Variants in ITGB3BP observed in about 807,000 individuals in gnomAD.
The protein encoded by ITGB3BP is centromere protein R.
ITGB3BP carries 27 observed loss-of-function variants against 29.1 expected under a neutral mutation model. The ratio of observed to expected loss-of-function variants is 0.93; its 90% confidence interval spans 0.68 to 1.28. ITGB3BP has a LOEUF of 1.28. ITGB3BP is among the 50% of genes most tolerant of loss of function. ITGB3BP has a pLI of 0.00. For synonymous variants in ITGB3BP, 61 were observed against 61.4 expected (o/e 0.99, Z 0.03); for missense variants, 192 against 200.2 (o/e 0.96, Z 0.25).
chr1:63,475,473 C>T (rs951595499), intron 4 of ITGB3BP, among the ~76,000 whole-genome samples: 4 of 152,044 alleles, frequency 2.6e-5, no homozygotes, highest in African/African-American at 4.8e-5. Context: ...GAGGATAACT[C>T]GAGCCCAACA....
upstream of ITGB3BP, chr1:63,523,774 G>A (rs1646522110): frequency 6.5e-6 from 1 of 153,394 alleles, no homozygotes; most frequent in African/African-American, 2.4e-5. Context: ...ATGTAAATGC[G>A]GTTTTATTTC....
chr1:63,480,646 C>CA (rs1394874157), intron 3 of ITGB3BP, among the ~76,000 whole-genome samples: 13 of 151,444 alleles, frequency 8.6e-5, no homozygotes, highest in Middle Eastern at 3.4e-3. Context: ...AAAAACAAAA[C>CA]AAAAAAAACC....
At chr1:63,525,018 G>T (rs932278928), upstream of ITGB3BP, among the ~76,000 whole-genome samples, 1 of 152,176 alleles carries the variant, frequency 6.6e-6, no homozygotes, top group South Asian at 2.1e-4. Flanking sequence ...AAATGATCTT[G>T]TTGATCCTGC....
chr1:63,518,153 G>C (rs140283335), intron 1 of ITGB3BP, among the ~76,000 whole-genome samples: 1 of 152,136 alleles, frequency 6.6e-6, no homozygotes, highest in African/African-American at 2.4e-5. Context: ...ATTATCTATA[G>C]GTTTTTCAAA....
At chr1:63,525,190 G>T (rs567853569), upstream of ITGB3BP, among the ~76,000 whole-genome samples, 13 of 152,220 alleles carry the variant, frequency 8.5e-5, no homozygotes, top group South Asian at 2.7e-3. Context: ...GATGAAGACT[G>T]TCATCTGACT....
chr1:63,468,862 A>AAAATAAATAAAT (rs71045901), intron 4 of ITGB3BP, among the ~76,000 whole-genome samples: 1,490 of 139,364 alleles, frequency 0.011, 11 homozygotes, highest in Middle Eastern at 0.018. Flanking sequence ...ACTCTGTCTC[A>AAAATAAATAAAT]AAATAAATAA....
At chr1:63,499,156 GT>G (rs57626823) in intron 2 of ITGB3BP, among the ~76,000 whole-genome samples, 41,139 of 117,860 alleles carry the variant, frequency 0.35, 6,240 homozygotes, top group African/African-American at 0.42. Context: ...TTCCACTAGC[GT>G]TTTTTTTTTT....
At chr1:63,456,928 C>T (rs1323479702) in intron 4 of ITGB3BP, among the ~76,000 whole-genome samples, 2 of 152,146 alleles carry the variant, frequency 1.3e-5, no homozygotes, top group South Asian at 2.1e-4. Flanking sequence ...TTTTAACAAT[C>T]TTGGAGACTT....
rs374608895 is a variant in ITGB3BP at position 63,446,483 on chromosome 1, GCTAGT to G, written c.*1+318_*1+322del. On this transcript the variant is annotated intron_variant, in intron 8 of 8. Transcript: ENST00000271002. ...TAGTCCACTTGTCAGCATCTATTTAGCTAGTCTATTTAGCTATTTATATGAAAGAT... is the reference window on the plus strand; with the variant it reads ...TAGTCCACTTGTCAGCATCTATTTAGCTATTTAGCTATTTATATGAAAGAT... 83 of 243,736 alleles carry G rather than the reference GCTAGT, an allele frequency of 3.4e-4. No homozygotes were observed. The East Asian group carries it at 5.4e-3, about 16-fold the overall frequency. The allele number at this position is 243,736 out of a possible 1,614,324, so 15.1% of individuals were successfully genotyped here.
At chr1:63,478,482 G>C (rs890096746) in intron 4 of ITGB3BP, among the ~76,000 whole-genome samples, 1 of 152,198 alleles carries the variant, frequency 6.6e-6, no homozygotes, top group African/African-American at 2.4e-5. Flanking sequence ...ATGTAAATCT[G>C]AAATAAGTGT....
At chr1:63,472,304 T>TA (rs1457244253) in intron 4 of ITGB3BP, among the ~76,000 whole-genome samples, 1 of 151,804 alleles carries the variant, frequency 6.6e-6, no homozygotes, top group African/African-American at 2.4e-5. Flanking sequence ...CTACAGGAAT[T>TA]ATTCTAGAAG....
chr1:63,507,279 C>T (rs531398474), intron 2 of ITGB3BP, among the ~76,000 whole-genome samples: 1 of 152,196 alleles, frequency 6.6e-6, no homozygotes, highest in South Asian at 2.1e-4. Flanking sequence ...TTGAAAGGTA[C>T]AGAACTGGGC....
At chr1:63,474,782 G>A (rs1350717463) in intron 4 of ITGB3BP, among the ~76,000 whole-genome samples, 1 of 150,818 alleles carries the variant, frequency 6.6e-6, no homozygotes, top group Non-Finnish European at 1.5e-5. Flanking sequence ...CTCTGCCTAG[G>A]AAAACCAGAG....
At chr1:63,486,168 A>G (rs1645525265) in intron 3 of ITGB3BP, among the ~76,000 whole-genome samples, 1 of 151,950 alleles carries the variant, frequency 6.6e-6, no homozygotes, top group Non-Finnish European at 1.5e-5. Context: ...ATTTTTACAG[A>G]TCTATTGTCC....
At chr1:63,526,325 T>C (rs1268655452), upstream of ITGB3BP, among the ~76,000 whole-genome samples, 2 of 152,132 alleles carry the variant, frequency 1.3e-5, no homozygotes, top group Non-Finnish European at 2.9e-5. Context: ...TTTCCAGGAG[T>C]ATCAAATGAT....
intron 4 of ITGB3BP, among the ~76,000 whole-genome samples, chr1:63,475,405 G>T (rs1645318290): frequency 4.6e-5 from 7 of 152,084 alleles, no homozygotes; most frequent in Non-Finnish European, 1.5e-5. Context: ...AAAAATAAAA[G>T]AATTAGCCAG....
intron 1 of ITGB3BP, among the ~76,000 whole-genome samples, chr1:63,512,491 C>A (rs937815114): frequency 1.3e-5 from 2 of 152,048 alleles, no homozygotes; most frequent in Non-Finnish European, 2.9e-5. Flanking sequence ...TTGAGCTTCT[C>A]TTATAGAACT....
At position 63,460,459 on chromosome 1, in the gene ITGB3BP, T is replaced by C. The variant is rs1023799991; in HGVS notation, c.255-5491A>G. Among the ~76,000 whole-genome samples, 32 of 152,220 alleles carry C rather than the reference T, an allele frequency of 2.1e-4. 1 individual carries two copies. The highest frequency in any genetic ancestry group is 6.5e-5 in the Admixed American group (1 of 15,286). Reference sequence around the variant, plus strand: ...ATAATGCTTTCAAGATTCTTCAATGTTGTAGCATGTATCAGAACTTCATTC... The same window carrying C: ...ATAATGCTTTCAAGATTCTTCAATGCTGTAGCATGTATCAGAACTTCATTC... On this transcript the variant is annotated intron_variant, in intron 4 of 8. Transcript: ENST00000271002.
At chr1:63,496,615 AG>A (rs1240249906) in intron 2 of ITGB3BP, among the ~76,000 whole-genome samples, 11 of 152,360 alleles carry the variant, frequency 7.2e-5, no homozygotes, top group Non-Finnish European at 1.6e-4. Context: ...TCTGCAAAGC[AG>A]GAATACTTTT....
Sources: allele counts gnomAD v4.1 joint callset (sites outside exome capture counted in the v4.1 genomes callset), GRCh38; gene constraint gnomAD v4.1.1; transcripts MANE v1.5; gene names NCBI Gene and HGNC (gene_info 2026-07-23, HGNC 2026-07-21).